Variants in PIEZO1 observed in about 807,000 individuals in gnomAD.
The protein encoded by PIEZO1 is piezo type mechanosensitive ion channel component 1 (Er blood group).
PIEZO1 carries 296 observed loss-of-function variants against 297.2 expected under a neutral mutation model. That is an observed-to-expected ratio of 1.00 (90% CI 0.91 to 1.10). The LOEUF (loss-of-function observed/expected upper bound fraction) is 1.10. Among genes scored for constraint, PIEZO1 ranks in the 50% least tolerant of loss-of-function variants. PIEZO1 has a pLI of 0.00. For synonymous variants in PIEZO1, 2,427 were observed against 1,507.5 expected (o/e 1.61, Z -14.13); for missense variants, 5,018 against 3,455.5 (o/e 1.45, Z -11.34).
rs1458485078 is a variant in PIEZO1, at chr16:88,725,421, TC to T, written c.4156del (p.Glu1386SerfsTer67). ...DTLGPKDPGL[E>X]PGPDSPGGSS... ...CCGACTCCAGCTGCACTCACCTGGC[TC>T]CAGGCCGGGGTCCTTGGGGCCCAGG... On this transcript the variant is annotated frameshift_variant, in exon 29 of 51. Coordinates refer to ENST00000301015, the MANE Select transcript of PIEZO1 (RefSeq NM_001142864.4). LOFTEE classifies it high-confidence loss of function. 6.9e-7 allele frequency: 1 copy of T among 1,453,150 alleles called. No homozygotes were observed. Among genetic ancestry groups the T allele is most frequent in the East Asian group, 2.5e-5 (1 of 39,892 alleles). The allele number at this position is 1,453,150 out of a possible 1,614,324, so 90.0% of individuals were successfully genotyped here. A position where few individuals can be genotyped will look rare whatever the true frequency, so the allele number is the denominator to read the frequency against.
Position 88,733,465 on chromosome 16 carries a change from TG to T in PIEZO1, c.2488-12del. On this transcript the variant is annotated splice_polypyrimidine_tract_variant and intron_variant, in intron 18 of 50. Coordinates refer to ENST00000301015, the MANE Select transcript of PIEZO1 (RefSeq NM_001142864.4). ...GTTCATCACCGACACCTGAGGGCAG[TG>T]GGCACGTGGGGCTGGGCTTGGGGAG... 1.9e-6 allele frequency: 3 copies of T among 1,540,966 alleles called. No homozygotes were observed. The highest frequency in any genetic ancestry group is 2.6e-6 in the Non-Finnish European group (3 of 1,140,110).
At chr16:88,781,129 T>C (rs8044021) in intron 1 of PIEZO1, among the ~76,000 whole-genome samples, 80,552 of 151,890 alleles carry the variant, frequency 0.53, 21,371 homozygotes, top group South Asian at 0.6. Context: ...ATCTCAGGAG[T>C]GGGCTGCAGC....
intron 1 of PIEZO1, among the ~76,000 whole-genome samples, chr16:88,756,891 A>G: frequency 6.6e-6 from 1 of 151,958 alleles, no homozygotes; most frequent in Non-Finnish European, 1.5e-5. Context: ...CCTGGCCAAC[A>G]TGGTGAAACC....
Position 88,726,429 on chromosome 16 carries a change from C to T in PIEZO1, c.3823G>A (p.Asp1275Asn), listed in dbSNP as rs1203335397. ...GCCTCCTCCACAGGCAGCAGGCAGT[C>T]CTGGTCTCTGTCCATCATCTCCTTG... ...DPKEMMDRDQ[D>N]CLLPVEEAGI... Residue 1275 changes from aspartate (D) to asparagine (N), a missense_variant, in exon 27 of 51, where the codon GAC (aspartate) becomes AAC (asparagine). Coordinates refer to ENST00000301015, the MANE Select transcript of PIEZO1 (RefSeq NM_001142864.4). The T allele has an allele frequency of 3.2e-6, 5 of 1,550,478 alleles. No homozygotes were observed. Among genetic ancestry groups the T allele is most frequent in the Non-Finnish European group, 2.6e-6 (3 of 1,146,918 alleles).
intron 2 of PIEZO1, among the ~76,000 whole-genome samples, chr16:88,749,133 G>A (rs998503561): frequency 1.3e-4 from 20 of 151,948 alleles, no homozygotes; most frequent in Non-Finnish European, 2.2e-4. Flanking sequence ...CCAGCTACCC[G>A]GGAGGCTGAG....
intron 12 of PIEZO1, 107 bp downstream of exon 12, chr16:88,736,041 G>A (rs534977664): frequency 5.3e-6 from 6 of 1,140,924 alleles, no homozygotes; most frequent in Non-Finnish European, 7.4e-6. Context: ...AGACACATCT[G>A]CCTTCTTGGC....
In PIEZO1 at chr16:88,731,854, G is replaced by A; in HGVS notation, c.3048C>T (p.Thr1016=). The A allele has an allele frequency of 7.0e-7, 1 of 1,437,546 alleles. No homozygotes were observed. The highest frequency in any genetic ancestry group is 1.2e-5 in the South Asian group (1 of 80,890). 89.0% of individuals were successfully genotyped at this position (1,437,546 alleles called of 1,614,324 possible). A position where few individuals can be genotyped will look rare whatever the true frequency, so the allele number is the denominator to read the frequency against. ...TGGCCACCAGCCAGCAACCGTGCAG[G>A]GTCACCAGAAAGTTCATGCGCTGCC... is the stretch of plus-strand genomic sequence containing the variant. ...VIGQRMNFLV[T]LHGCWLVAIL... The change falls in exon 22 of 51, where the codon ACC becomes ACT. Residue 1016 remains threonine, a synonymous_variant. Transcript: ENST00000301015.
At chr16:88,738,129 G>A in intron 7 of PIEZO1, 24 bp from the exon 8 acceptor site, 1 of 1,535,680 alleles carries the variant, frequency 6.5e-7, no homozygotes, top group Non-Finnish European at 8.7e-7. Context: ...ACCCGTCACA[G>A]CCTACCACCC....
At position 88,715,344 on chromosome 16, in the gene PIEZO1, T is replaced by C. The variant is rs1911899569; in HGVS notation, c.*261A>G. 1 of 1,306,110 alleles carries C rather than the reference T, an allele frequency of 7.7e-7. No individual in the cohort carries two copies. The highest frequency in any genetic ancestry group is 1.1e-6 in the Non-Finnish European group (1 of 951,730). The allele number at this position is 1,306,110 out of a possible 1,614,324, so 80.9% of individuals were successfully genotyped here. On this transcript the variant is annotated 3_prime_UTR_variant, in exon 51 of 51. Coordinates refer to ENST00000301015, the MANE Select transcript of PIEZO1 (RefSeq NM_001142864.4). ...CAAGGACGGGGGACTGGCCTCTGAT[T>C]GTCCATTTGTATAAATAAAACATTT...
chr16:88,716,868 A>G lies in PIEZO1; in HGVS notation c.6691T>C (p.Ser2231Pro). ...GCCTGGGCCGTGAAGGGGATGATGG[A>G]CGGCTGCTGGGCGCTCATGGTGAAC... is the stretch of plus-strand genomic sequence containing the variant. ...PLFTMSAQQP[S>P]IIPFTAQAYE... The change falls in exon 46 of 51, where the codon TCC becomes CCC. Residue 2231 changes from serine to proline, a missense_variant. By Grantham distance (74) the Ser-to-Pro change is moderately conservative. Coordinates refer to ENST00000301015, the MANE Select transcript of PIEZO1 (RefSeq NM_001142864.4). 3 of 1,550,016 alleles carry G rather than the reference A, an allele frequency of 1.9e-6. No homozygotes were observed. Among genetic ancestry groups the G allele is most frequent in the Non-Finnish European group, 2.6e-6 (3 of 1,146,948 alleles).
Position 88,732,653 on chromosome 16 carries a change from T to C in PIEZO1, c.2744A>G (p.Asn915Ser), listed in dbSNP as rs543115615. The C allele has an allele frequency of 1.3e-4, 195 of 1,549,710 alleles. No homozygotes were observed. The African/African-American group carries it at 2.2e-3, about 18-fold the overall frequency. The change falls in exon 20 of 51, where the codon AAC becomes AGC. Residue 915 changes from asparagine (N) to serine (S), a missense_variant. Asn to Ser is a conservative substitution (Grantham distance 46). Coordinates refer to ENST00000301015, the MANE Select transcript of PIEZO1 (RefSeq NM_001142864.4). ...LLYRGPVDPA[N>S]WFGVRKGFPN... ...GAACCCTTTCCGCACCCCAAACCAG[T>C]TGGCAGGGTCCACGGGCCCCCGGTA...
At position 88,716,103 on chromosome 16, in the gene PIEZO1, G is replaced by A; in HGVS notation, c.7146C>T (p.Tyr2382=). 1 of 1,546,638 alleles carries A rather than the reference G, an allele frequency of 6.5e-7. No individual in the cohort carries two copies. The highest frequency in any genetic ancestry group is 1.2e-5 in the South Asian group (1 of 83,754). The change falls in exon 50 of 51, where the codon TAC becomes TAT. Residue 2382 remains tyrosine (Y), a synonymous_variant. Transcript: ENST00000301015. The part of the protein sequence containing the change: ...KQLQPNEEAD[Y]LGVRIQLRRE... ...TCCGCAGCTGGATACGCACGCCGAG[G>A]TAGTCGGCCTCCTCATCTGGGATGG...
In PIEZO1 at chr16:88,726,120, C is replaced by T. The variant is rs554047067; in HGVS notation, c.3968+164G>A. ...GCACTGGGGCAGAGTGTGATGGTGC[C>T]GGGGATCTGCCGGCCTTCATTCTCC... is the stretch of plus-strand genomic sequence containing the variant. On this transcript the variant is annotated intron_variant, in intron 27 of 50. Coordinates refer to ENST00000301015, the MANE Select transcript of PIEZO1 (RefSeq NM_001142864.4). The T allele has an allele frequency of 1.3e-4, 84 of 622,356 alleles. No homozygotes were observed. The Middle Eastern group carries it at 1.7e-3, about 13-fold the overall frequency. The allele number at this position is 622,356 out of a possible 1,614,324, so 38.6% of individuals were successfully genotyped here.
Position 88,726,809 on chromosome 16 carries a change from G to A in PIEZO1, c.3605C>T (p.Ala1202Val). 2 of 1,550,314 alleles carry A rather than the reference G, an allele frequency of 1.3e-6. No homozygotes were observed. The highest frequency in any genetic ancestry group is 1.7e-6 in the Non-Finnish European group (2 of 1,146,924). ...GGCCCGTGTGTCCCTCTGCAGCAGG[G>A]CCGTGCCGAAGAGCAGCAGGTAGAA... ...ACFYLLLFGTALLQRDTRARL... is the reference protein window; with the variant it reads ...ACFYLLLFGTVLLQRDTRARL... The change falls in exon 25 of 51, where the codon GCC becomes GTC. Residue 1202 changes from alanine to valine, a missense_variant. Physicochemically the swap from Ala to Val is moderately conservative, Grantham distance 64 (BLOSUM62 0). Transcript: ENST00000301015.
chr16:88,741,583 C>G lies in PIEZO1; in HGVS notation c.360G>C (p.Arg120=), dbSNP rs555991841. The G allele has an allele frequency of 2.1e-5, 33 of 1,535,300 alleles. No homozygotes were observed. The South Asian group carries it at 3.6e-4, about 17-fold the overall frequency. Residue 120 remains arginine, a synonymous_variant, in exon 5 of 51, where the codon CGG becomes CGC. Transcript: ENST00000301015. Reference sequence around the variant, plus strand: ...AGATGCCCAGGTCAGGGGCCACCAGCCGGATGGCGTTGGGGATGTCCTTCA... The same window carrying G: ...AGATGCCCAGGTCAGGGGCCACCAGGCGGATGGCGTTGGGGATGTCCTTCA... ...LDLKDIPNAI[R]LVAPDLGILV...
Position 88,734,051 on chromosome 16 carries a change from C to G in PIEZO1, c.2184G>C (p.Gln728His). 6.6e-7 allele frequency: 1 copy of G among 1,515,038 alleles called. No homozygotes were observed. Among genetic ancestry groups the G allele is most frequent in the East Asian group, 2.5e-5 (1 of 40,412 alleles). The allele number at this position is 1,515,038 out of a possible 1,614,324, so 93.8% of individuals were successfully genotyped here. A position where few individuals can be genotyped will look rare whatever the true frequency, so the allele number is the denominator to read the frequency against. ...GCAGTGGGGTCCCACTCACTGCATC[C>G]TGCCTGGGAGAGGGTCCGAAAATGT... ...GTRLPRWAHR[Q>H]DAVSGTPLLR... Residue 728 changes from glutamine to histidine, a missense_variant, in exon 17 of 51, where the codon CAG becomes CAC. Gln to His is a conservative substitution (Grantham distance 24). Transcript: ENST00000301015.
intron 17 of PIEZO1, 78 bp downstream of exon 17, chr16:88,733,828 G>A: frequency 1.4e-6 from 2 of 1,464,688 alleles, no homozygotes; most frequent in Non-Finnish European, 9.1e-7. Flanking sequence ...AGCCCAGAGG[G>A]GACTCTGCCA....
intron 1 of PIEZO1, among the ~76,000 whole-genome samples, chr16:88,768,320 A>G (rs1225848834): frequency 1.3e-5 from 2 of 152,204 alleles, no homozygotes; most frequent in Non-Finnish European, 2.9e-5. Context: ...GCCGGCTCCA[A>G]GAAGCTCCCC....
Position 88,717,198 on chromosome 16 carries a change from G to C in PIEZO1, c.6485C>G (p.Pro2162Arg), listed in dbSNP as rs1230540913. 2 of 1,549,334 alleles carry C rather than the reference G, an allele frequency of 1.3e-6. No individual in the cohort carries two copies. Among genetic ancestry groups the C allele is most frequent in the Non-Finnish European group, 1.7e-6 (2 of 1,147,008 alleles). The change falls in exon 45 of 51, where the codon CCC (proline) becomes CGC (arginine). Residue 2162 changes from proline to arginine, a missense_variant. Transcript: ENST00000301015. ...GATCTTCTTCTTCTTCTGCCCTTTG[G>C]GCTGCGGGTATTTCTGGAGGGGAAC... Reference protein sequence around the residue: ...SRETEKKYPQPKGQKKKKIVK... With the variant: ...SRETEKKYPQRKGQKKKKIVK...
Sources: gnomAD v4.1 joint callset for allele counts (sites outside exome capture counted in the v4.1 genomes callset) on GRCh38, gnomAD v4.1.1 for gene constraint, MANE v1.5 for transcripts, NCBI Gene and HGNC (gene_info 2026-07-23, HGNC 2026-07-21) for gene names.